AHI1: variants seen among roughly 807,000 people sequenced by gnomAD.
The protein encoded by AHI1 is Abelson helper integration site 1.
Under a neutral mutation model 149.3 loss-of-function variants are expected in AHI1, and 123 were observed. The ratio of observed to expected loss-of-function variants is 0.82; its 90% CI spans 0.71 to 0.96. AHI1 has a LOEUF of 0.96. Among genes scored for constraint, AHI1 ranks in the 40% least tolerant of loss-of-function variants. AHI1 has a pLI of 0.00. For missense variants in AHI1, 1,439 were observed against 1,422.7 expected (o/e 1.01, Z -0.18); for synonymous variants, 475 against 459.8 (o/e 1.03, Z -0.42).
intron 5 of AHI1, among the ~76,000 whole-genome samples, chr6:135,482,772 A>C (rs192534946): frequency 1.2e-4 from 18 of 151,530 alleles, no homozygotes; most frequent in Non-Finnish European, 1.2e-4. Flanking sequence ...ATTTGACTGA[A>C]TATCTGACAT....
rs544319798 is a variant in AHI1, at chr6:135,337,170, G to T, written c.3166-13846C>A. Among the ~76,000 whole-genome samples the T allele has an allele frequency of 7.3e-4, 111 of 152,078 alleles. 1 individual carries two copies. The highest frequency in any genetic ancestry group is 2.6e-3 in the African/African-American group (109 of 41,464). The stretch of plus-strand genomic sequence containing the variant: ...CTTAAAATTATGCCAAAAAAAAAGG[G>T]TCTTAAAGACTTGGCATTTCTTTAT... On this transcript the variant is annotated intron_variant, in intron 24 of 28. Coordinates refer to ENST00000265602, the MANE Select transcript of AHI1 (RefSeq NM_001134831.2).
At chr6:135,478,700 G>A (rs1304754452) in intron 5 of AHI1, among the ~76,000 whole-genome samples, 1 of 152,252 alleles carries the variant, frequency 6.6e-6, no homozygotes, top group Admixed American at 6.5e-5. Context: ...CTGCAGAAAT[G>A]TGCACAAATA....
chr6:135,441,184 A>T (rs1447654738), intron 14 of AHI1, among the ~76,000 whole-genome samples: 1 of 152,178 alleles, frequency 6.6e-6, no homozygotes, highest in Admixed American at 6.5e-5. Flanking sequence ...TGAAAAGTAC[A>T]ATAACTGAAA....
At chr6:135,331,197 T>G (rs1034909695) in intron 24 of AHI1, among the ~76,000 whole-genome samples, 1 of 152,160 alleles carries the variant, frequency 6.6e-6, no homozygotes, top group Admixed American at 6.5e-5. Context: ...AATTAAGAAA[T>G]CTTTCTGTGA....
chr6:135,497,308 C>T (rs961036797), intron 1 of AHI1, 59 bp from the exon 2 acceptor site: 1 of 152,236 alleles, frequency 6.6e-6, no homozygotes, highest in Non-Finnish European at 1.5e-5. Context: ...AAATAAGAAT[C>T]GGGAGTAGGA....
chr6:135,316,760 A>G (rs1189436088), intron 26 of AHI1, among the ~76,000 whole-genome samples: 1 of 152,100 alleles, frequency 6.6e-6, no homozygotes, highest in Non-Finnish European at 1.5e-5. Flanking sequence ...TAGAACTAAC[A>G]CACTAATTCT....
In AHI1 at chr6:135,448,414, G is replaced by A. The variant is rs2128059104; in HGVS notation, c.1502C>T (p.Pro501Leu). Residue 501 changes from proline (P) to leucine (L), a missense_variant, in exon 12 of 29, where the codon CCA becomes CTA. Physicochemically the swap from Pro to Leu is moderately conservative, Grantham distance 98 (BLOSUM62 -3). Coordinates refer to ENST00000265602, the MANE Select transcript of AHI1 (RefSeq NM_001134831.2). ...NSKLRLQLYY[P>L]PTKPRSPLSV... Reference sequence around the variant, plus strand: ...TAATGGGGATCGAGGCTTAGTAGGTGGGTAATATAGCTGCAAGCGAAGTTT... The same window carrying A: ...TAATGGGGATCGAGGCTTAGTAGGTAGGTAATATAGCTGCAAGCGAAGTTT... The A allele has an allele frequency of 1.9e-6, 3 of 1,591,186 alleles. No individual in the cohort carries two copies. The highest frequency in any genetic ancestry group is 1.3e-5 in the African/African-American group (1 of 74,832).
intron 5 of AHI1, among the ~76,000 whole-genome samples, chr6:135,476,967 G>C (rs1792756904): frequency 6.6e-6 from 1 of 151,492 alleles, no homozygotes; most frequent in Non-Finnish European, 1.5e-5. Flanking sequence ...TCTTGATATT[G>C]CTGAGTTTAA....
chr6:135,317,308 C>T lies in AHI1; in HGVS notation c.3426+1211G>A, dbSNP rs995208773. 4.0e-4 allele frequency among the ~76,000 whole-genome samples: 60 copies of T among 151,610 alleles called. 2 individuals carry two copies. The highest frequency in any genetic ancestry group is 4.3e-4 in the Non-Finnish European group (29 of 67,916). On this transcript the variant is annotated intron_variant, in intron 26 of 28. Coordinates refer to ENST00000265602, the MANE Select transcript of AHI1 (RefSeq NM_001134831.2). ...TTAAGTGTTTTAGTAGAGTATGCTA[C>T]GCTCTTCTGTGGCCTGGTTCCTGGA...
chr6:135,464,443 T>G (rs1790418740), intron 7 of AHI1, among the ~76,000 whole-genome samples: 1 of 152,220 alleles, frequency 6.6e-6, no homozygotes, highest in Non-Finnish European at 1.5e-5. Context: ...GCCTCTAAGA[T>G]GGACCTTACT....
intron 24 of AHI1, among the ~76,000 whole-genome samples, chr6:135,340,658 CATATATA>C (rs1790184466): frequency 2.6e-5 from 1 of 38,064 alleles, no homozygotes; most frequent in African/African-American, 1.3e-4. Flanking sequence ...TACATACATA[CATATATA>C]TATATATATA....
intron 21 of AHI1, among the ~76,000 whole-genome samples, chr6:135,409,270 T>C (rs1039467348): frequency 7.9e-5 from 12 of 152,152 alleles, no homozygotes; most frequent in African/African-American, 2.9e-4. Flanking sequence ...AATATACACA[T>C]CCTTATATTT....
chr6:135,391,827 G>A (rs1287896325), intron 23 of AHI1, among the ~76,000 whole-genome samples: 1 of 152,182 alleles, frequency 6.6e-6, no homozygotes, highest in Non-Finnish European at 1.5e-5. Flanking sequence ...CAGTTGGGGA[G>A]AAAGATTGGC....
chr6:135,435,999 A>G (rs1785346304), intron 15 of AHI1, among the ~76,000 whole-genome samples: 1 of 152,162 alleles, frequency 6.6e-6, no homozygotes, highest in African/African-American at 2.4e-5. Flanking sequence ...TTAAAAGAGG[A>G]AAACAAAATT....
Position 135,284,599 on chromosome 6 carries a change from C to T in AHI1, c.*1046G>A, listed in dbSNP as rs559740950. The T allele has an allele frequency of 2.6e-5, 4 of 151,330 alleles. No individual in the cohort carries two copies. The East Asian group carries it at 7.7e-4, about 29-fold the overall frequency. 9.4% of individuals were successfully genotyped at this position (151,330 alleles called of 1,614,324 possible). Reference sequence around the variant, plus strand: ...TGGAACTTAGAAAAAATAAATAATGCAATATAATAATGTAAAAATATTAAG... The same window carrying T: ...TGGAACTTAGAAAAAATAAATAATGTAATATAATAATGTAAAAATATTAAG... On this transcript the variant is annotated 3_prime_UTR_variant, in exon 29 of 29. Coordinates refer to ENST00000265602, the MANE Select transcript of AHI1 (RefSeq NM_001134831.2).
intron 5 of AHI1, among the ~76,000 whole-genome samples, chr6:135,488,544 CTGTT>C (rs766629897): frequency 1.4e-4 from 22 of 152,270 alleles, no homozygotes; most frequent in African/African-American, 3.8e-4. Context: ...CCTAACATGT[CTGTT>C]TGTCTGTTTA....
rs567721026 is a variant in AHI1, at chr6:135,459,643, A to G, written c.932-1930T>C. Among the ~76,000 whole-genome samples the G allele has an allele frequency of 9.9e-5, 15 of 152,146 alleles. No homozygotes were observed. In the South Asian group the frequency reaches 2.7e-3, roughly 27 times the overall value. ...ACAAACTGCCAATACCATGAATGAA[A>G]ACATGGGACAGCCTTTCAGATGCTA... On this transcript the variant is annotated intron_variant, in intron 8 of 28. Transcript: ENST00000265602.
intron 11 of AHI1, among the ~76,000 whole-genome samples, chr6:135,449,320 G>A (rs1160495492): frequency 6.6e-6 from 1 of 152,124 alleles, no homozygotes; most frequent in East Asian, 1.9e-4. Context: ...AAAGTGTTGG[G>A]ATTACAGTTG....
intron 26 of AHI1, chr6:135,301,646 T>C (rs1022462763): frequency 2.0e-6 from 2 of 985,314 alleles, no homozygotes; most frequent in African/African-American, 3.5e-5. Context: ...AAGTCAAGCA[T>C]AATAAAAACA....
Sources: allele counts gnomAD v4.1 joint callset (sites outside exome capture counted in the v4.1 genomes callset), GRCh38; gene constraint gnomAD v4.1.1; transcripts MANE v1.5; gene names NCBI Gene and HGNC (gene_info 2026-07-23, HGNC 2026-07-21).